The following GSE1 variants were observed in gnomAD, a reference collection of about 807,000 sequenced individuals.
GSE1 encodes Gse1 coiled-coil protein, also known as genetic suppressor element 1.
A neutral mutation model predicts 112.6 loss-of-function variants in GSE1; 32 were observed. The ratio of observed to expected loss-of-function variants is 0.28; its 90% CI spans 0.21 to 0.38. The LOEUF is 0.38. Among genes scored for constraint, GSE1 ranks in the 10% least tolerant of loss-of-function variants. The pLI is 1.00. For synonymous variants in GSE1, 1,115 were observed against 735.6 expected (o/e 1.52, Z -8.35); for missense variants, 2,348 against 1,699.2 (o/e 1.38, Z -6.71).
intron 1 of GSE1, among the ~76,000 whole-genome samples, chr16:85,240,320 C>T (rs992629373): frequency 2.0e-5 from 3 of 152,212 alleles, no homozygotes; most frequent in African/African-American, 7.2e-5. Flanking sequence ...GGTTCTGGGT[C>T]CCTTCCCCAG....
rs2051346636 is a variant in GSE1, at chr16:85,651,433, C to T, written c.426+2682C>T. Among the ~76,000 whole-genome samples, 10 of 152,262 alleles carry T rather than the reference C, an allele frequency of 6.6e-5. No individual in the cohort carries two copies. The South Asian group carries it at 2.1e-3, about 32-fold the overall frequency. ...CCAGCCCCCCGGACTCCCTGTTTGT[C>T]CTCAGCCAGGCCAGGAAGGTGCCAT... is the stretch of plus-strand genomic sequence containing the variant. On this transcript the variant is annotated intron_variant, in intron 3 of 15. Transcript: ENST00000253458.
At chr16:85,261,363 G>T (rs1907666220) in intron 1 of GSE1, among the ~76,000 whole-genome samples, 2 of 152,252 alleles carry the variant, frequency 1.3e-5, no homozygotes, top group South Asian at 4.1e-4. Context: ...TGTACAGTGA[G>T]CAGTTGCTGA....
At chr16:85,331,452 T>C (rs1597408422) in intron 1 of GSE1, among the ~76,000 whole-genome samples, 1 of 141,034 alleles carries the variant, frequency 7.1e-6, no homozygotes, top group Admixed American at 7.2e-5. Flanking sequence ...CGTATATATG[T>C]ATATATATGT....
chr16:85,348,040 G>C (rs1267738542), intron 1 of GSE1, among the ~76,000 whole-genome samples: 1 of 152,180 alleles, frequency 6.6e-6, no homozygotes, highest in Non-Finnish European at 1.5e-5. Flanking sequence ...CTTGCGCTAA[G>C]TTGGAGTGCA....
At chr16:85,298,766 T>G (rs1481650296) in intron 1 of GSE1, among the ~76,000 whole-genome samples, 2 of 152,210 alleles carry the variant, frequency 1.3e-5, no homozygotes, top group East Asian at 3.8e-4. Flanking sequence ...ATTCACGCCC[T>G]TTGCATGTTA....
intron 1 of GSE1, among the ~76,000 whole-genome samples, chr16:85,220,497 G>T (rs2075372198): frequency 6.6e-6 from 1 of 152,204 alleles, no homozygotes; most frequent in Non-Finnish European, 1.5e-5. Flanking sequence ...TCAGAGCCGG[G>T]CCCGCGGCCA....
chr16:85,419,739 C>G lies in GSE1; in HGVS notation c.2464+62096C>G, dbSNP rs370656991. Among the ~76,000 whole-genome samples the G allele has an allele frequency of 4.6e-5, 7 of 152,170 alleles. No individual in the cohort carries two copies. The East Asian group carries it at 1.3e-3, about 29-fold the overall frequency. ...ATCAGCTGGGGATCTCTAAAAACCC[C>G]TCTGATGCCTGCCTCCCCCGCCCCG... is the stretch of plus-strand genomic sequence containing the variant. On this transcript the variant is annotated intron_variant, in intron 2 of 2. Transcript: ENST00000637419. This position sits in a 1 kb window ranked among gnomAD's most constrained non-coding sequence, Gnocchi z 6.5.
intron 2 of GSE1, among the ~76,000 whole-genome samples, chr16:85,532,527 G>A (rs1002106010): frequency 2.0e-5 from 3 of 152,294 alleles, no homozygotes; most frequent in Admixed American, 6.5e-5. Context: ...CTCCCAGAGT[G>A]CCGAGATCAT....
Position 85,656,716 on chromosome 16 carries a change from G to T in GSE1, c.1312+51G>T. ...TGGGCAAGGTCTCAGCCACCCGCGG[G>T]GAGGAGCCCTGAATCGCAGCACCTG... On this transcript the variant is annotated intron_variant, in intron 7 of 15. Coordinates refer to ENST00000253458, the MANE Select transcript of GSE1 (RefSeq NM_014615.5). 6.9e-7 allele frequency: 1 copy of T among 1,446,904 alleles called. No individual in the cohort carries two copies. Among genetic ancestry groups the T allele is most frequent in the Non-Finnish European group, 9.1e-7 (1 of 1,104,434 alleles). 89.6% of individuals were successfully genotyped at this position (1,446,904 alleles called of 1,614,324 possible). A position where few individuals can be genotyped will look rare whatever the true frequency, so the allele number is the denominator to read the frequency against.
chr16:85,652,965 C>A (rs2051500960), intron 3 of GSE1, among the ~76,000 whole-genome samples: 1 of 151,714 alleles, frequency 6.6e-6, no homozygotes. Context: ...TGAGGAAGGG[C>A]CGGGTTCCCG....
rs532908002 is a variant in GSE1 at position 85,674,925 on chromosome 16, G to A, written c.*2386G>A. On this transcript the variant is annotated 3_prime_UTR_variant, in exon 16 of 16. Transcript: ENST00000253458. Reference sequence around the variant, plus strand: ...TGAGTACTCTACTCTTGCTCAAGAAGTAATACGACAATCAGAATACAAACC... The same window carrying A: ...TGAGTACTCTACTCTTGCTCAAGAAATAATACGACAATCAGAATACAAACC... The A allele has an allele frequency of 6.6e-6, 1 of 152,630 alleles. No homozygotes were observed. The highest frequency in any genetic ancestry group is 2.4e-5 in the African/African-American group (1 of 41,434). The allele number at this position is 152,630 out of a possible 1,614,324, so 9.5% of individuals were successfully genotyped here. A position where few individuals can be genotyped will look rare whatever the true frequency, so the allele number is the denominator to read the frequency against.
intron 2 of GSE1, among the ~76,000 whole-genome samples, chr16:85,452,479 G>C (rs968067352): frequency 6.6e-6 from 1 of 152,264 alleles, no homozygotes; most frequent in Non-Finnish European, 1.5e-5. Flanking sequence ...TGGTTGATCT[G>C]GGACTGTGGC....
intron 1 of GSE1, among the ~76,000 whole-genome samples, chr16:85,281,381 C>T (rs1397191445): frequency 1.3e-5 from 2 of 151,962 alleles, no homozygotes; most frequent in Non-Finnish European, 2.9e-5. Context: ...GTTCCAGGCA[C>T]GAGTTAATTA....
At chr16:85,397,696 C>T (rs1397005600) in intron 2 of GSE1, among the ~76,000 whole-genome samples, 5 of 152,334 alleles carry the variant, frequency 3.3e-5, no homozygotes, top group East Asian at 1.9e-4. Flanking sequence ...GGAGGACGCG[C>T]GTCAGCCTCA....
chr16:85,381,562 A>G (rs924101124), intron 2 of GSE1, among the ~76,000 whole-genome samples: 2 of 152,214 alleles, frequency 1.3e-5, no homozygotes, highest in African/African-American at 4.8e-5. Flanking sequence ...TTTAATATTC[A>G]TAACCTCACT....
At position 85,211,280 on chromosome 16, in the gene GSE1, T is replaced by G. The variant is rs528616948; in HGVS notation, c.2283+39473T>G. Among the ~76,000 whole-genome samples, 25 of 151,384 alleles carry G rather than the reference T, an allele frequency of 1.7e-4. No homozygotes were observed. The South Asian group carries it at 5.0e-3, about 30-fold the overall frequency. ...CATGTGGGGTGCCAGGAGAGACTGGTCTCAGCTTCAGGCTTGTGGTTTTTT... is the reference window on the plus strand; with the variant it reads ...CATGTGGGGTGCCAGGAGAGACTGGGCTCAGCTTCAGGCTTGTGGTTTTTT... On this transcript the variant is annotated intron_variant, in intron 1 of 2. Coordinates refer to the GSE1 transcript ENST00000637419.
At chr16:85,235,235 A>G (rs905214135) in intron 1 of GSE1, among the ~76,000 whole-genome samples, 7 of 151,762 alleles carry the variant, frequency 4.6e-5, no homozygotes, top group African/African-American at 1.7e-4. Flanking sequence ...AAATCAGAAC[A>G]AGCTCCCAAC....
At chr16:85,199,972 G>A (rs1247152684) in intron 1 of GSE1, among the ~76,000 whole-genome samples, 7 of 152,090 alleles carry the variant, frequency 4.6e-5, no homozygotes, top group Admixed American at 4.6e-4. Flanking sequence ...GCCAGAAGAC[G>A]CAGCCACCAG....
At chr16:85,648,305 C>T (rs1007171955) in intron 2 of GSE1, among the ~76,000 whole-genome samples, 7 of 152,122 alleles carry the variant, frequency 4.6e-5, no homozygotes, top group East Asian at 3.9e-4. Context: ...CTTTGTGCCA[C>T]GTGAGCAGGG....
Sources: gnomAD v4.1 joint callset for allele counts (sites outside exome capture counted in the v4.1 genomes callset) on GRCh38, gnomAD v4.1.1 for gene constraint, Gnocchi (gnomAD v3.1) non-coding constraint, MANE v1.5 for transcripts, NCBI Gene and HGNC (gene_info 2026-07-23, HGNC 2026-07-21) for gene names.